ABCA8: variants seen among roughly 807,000 people sequenced by gnomAD.
ABCA8 encodes ATP binding cassette subfamily A member 8.
A neutral mutation model predicts 192.3 loss-of-function variants in ABCA8; 177 were observed. That is an observed-to-expected ratio of 0.92 (90% CI 0.81 to 1.04). The LOEUF (loss-of-function observed/expected upper bound fraction) is 1.04. ABCA8 is among the 50% of genes least tolerant of loss of function. ABCA8 has a pLI of 0.00. For synonymous variants in ABCA8, 642 were observed against 690.2 expected (o/e 0.93, Z 1.09); for missense variants, 1,915 against 1,904.8 (o/e 1.01, Z -0.10).
At chr17:68,938,018 GAAGCAC>G (rs1351287075) in intron 4 of ABCA8, among the ~76,000 whole-genome samples, 2 of 152,138 alleles carry the variant, frequency 1.3e-5, no homozygotes, top group Admixed American at 6.6e-5. Flanking sequence ...GTAATGTCGA[GAAGCAC>G]AAGTTCCTGA....
chr17:68,871,444 A>G (rs1383999678), intron 37 of ABCA8, among the ~76,000 whole-genome samples: 1 of 152,164 alleles, frequency 6.6e-6, no homozygotes, highest in Non-Finnish European at 1.5e-5. Context: ...GCACCATCCT[A>G]ACAGATGTGA....
At chr17:68,872,205 G>A (rs1479770461) in intron 37 of ABCA8, among the ~76,000 whole-genome samples, 1 of 151,844 alleles carries the variant, frequency 6.6e-6, no homozygotes, top group Non-Finnish European at 1.5e-5. Context: ...TGATAGACTG[G>A]ATTAAGAAAA....
chr17:68,938,218 G>A (rs2068124161), intron 4 of ABCA8, among the ~76,000 whole-genome samples: 1 of 151,774 alleles, frequency 6.6e-6, no homozygotes, highest in Admixed American at 6.6e-5. Flanking sequence ...CTAATGGTGT[G>A]ATGCTTGGTG....
At chr17:68,938,517 A>T (rs2068136562) in intron 4 of ABCA8, among the ~76,000 whole-genome samples, 1 of 152,142 alleles carries the variant, frequency 6.6e-6, no homozygotes. Context: ...CCTTGGTGGG[A>T]GTTATGTTGC....
intron 4 of ABCA8, among the ~76,000 whole-genome samples, chr17:68,939,536 C>G (rs2143753667): frequency 6.6e-6 from 1 of 152,220 alleles, no homozygotes; most frequent in African/African-American, 2.4e-5. Flanking sequence ...CAGAAATGAT[C>G]TGTAATCTTT....
At chr17:68,905,447 G>C (rs918504327) in intron 19 of ABCA8, among the ~76,000 whole-genome samples, 2 of 152,058 alleles carry the variant, frequency 1.3e-5, no homozygotes, top group African/African-American at 2.4e-5. Context: ...GTAAAGAACT[G>C]AAACTCTAAA....
At chr17:68,894,005 C>G (rs2066683983) in intron 23 of ABCA8, 168 bp downstream of exon 23, 1 of 682,452 alleles carries the variant, frequency 1.5e-6, no homozygotes, top group Non-Finnish European at 2.5e-6. Flanking sequence ...CAAATTGAAG[C>G]TCTGAAAACG....
chr17:68,936,190 C>A (rs759979042), intron 5 of ABCA8, among the ~76,000 whole-genome samples: 21 of 151,826 alleles, frequency 1.4e-4, no homozygotes, highest in Admixed American at 1.4e-3. Flanking sequence ...AATTAAGTCT[C>A]GTTTTTCTAT....
chr17:68,924,054 A>G (rs2067620776), intron 11 of ABCA8, among the ~76,000 whole-genome samples: 1 of 152,142 alleles, frequency 6.6e-6, no homozygotes, highest in Admixed American at 6.5e-5. Context: ...AAGAAAAATA[A>G]GAAGTTTAAA....
Position 68,887,057 on chromosome 17 carries a change from C to T in ABCA8, c.3389G>A (p.Gly1130Glu). ...TGACCAAATGCCACTATTTTTTCTCCCCTTGCGAAAGATGAAGGAAATCAC... is the reference window on the plus strand; with the variant it reads ...TGACCAAATGCCACTATTTTTTCTCTCCTTGCGAAAGATGAAGGAAATCAC... ...TYVISFIFRK[G>E]RKNSGIWSFC... Residue 1130 changes from glycine (G) to glutamate (E), a missense_variant, in exon 26 of 40, where the codon GGG (glycine) becomes GAG (glutamate). Gly to Glu is a moderately conservative substitution (Grantham distance 98). Transcript: ENST00000586539. 6.2e-7 allele frequency: 1 copy of T among 1,612,394 alleles called. No homozygotes were observed. The highest frequency in any genetic ancestry group is 1.3e-5 in the African/African-American group (1 of 74,896).
At chr17:68,952,879 C>T (rs756824652) in intron 1 of ABCA8, among the ~76,000 whole-genome samples, 1 of 152,154 alleles carries the variant, frequency 6.6e-6, no homozygotes, top group Non-Finnish European at 1.5e-5. Context: ...GAGCAAAGAA[C>T]ATGATGTGAT....
intron 5 of ABCA8, among the ~76,000 whole-genome samples, chr17:68,935,340 C>T (rs2068031685): frequency 6.6e-6 from 1 of 150,520 alleles, no homozygotes; most frequent in African/African-American, 2.5e-5. Flanking sequence ...TGATCTCGAA[C>T]TCTTGAGCTC....
chr17:68,875,495 C>T, intron 36 of ABCA8, 95 bp from the exon 37 acceptor site: 5 of 1,593,566 alleles, frequency 3.1e-6, no homozygotes, highest in Non-Finnish European at 4.3e-6. Flanking sequence ...TCTCAAGGTC[C>T]CTATTGTTAG....
At chr17:68,894,510 T>C (rs2066697637) in intron 22 of ABCA8, among the ~76,000 whole-genome samples, 200 bp from the exon 23 acceptor site, 2 of 152,202 alleles carry the variant, frequency 1.3e-5, no homozygotes, top group Non-Finnish European at 2.9e-5. Context: ...AACTAAATCA[T>C]GTATCTGATA....
At chr17:68,892,401 G>A (rs955553949) in intron 23 of ABCA8, among the ~76,000 whole-genome samples, 1 of 152,120 alleles carries the variant, frequency 6.6e-6, no homozygotes, top group African/African-American at 2.4e-5. Context: ...CTTTGGGCAG[G>A]ATACAAGCAA....
Position 68,894,895 on chromosome 17 carries a change from C to T in ABCA8, c.2883G>A (p.Val961=). 1 of 1,613,058 alleles carries T rather than the reference C, an allele frequency of 6.2e-7. No homozygotes were observed. The highest frequency in any genetic ancestry group is 8.5e-7 in the Non-Finnish European group (1 of 1,179,542). The change falls in exon 22 of 40, where the codon GTG becomes GTA. Residue 961 remains valine (V), a synonymous_variant. Coordinates refer to ENST00000586539, the MANE Select transcript of ABCA8 (RefSeq NM_001288985.2). ...DDPSYNGAIT[V]CCNEKNYSFS... ...ACCTGCATACCTTTTCATTACAACA[C>T]ACTGTGATGGCTCCATTATAAGATG... is the stretch of plus-strand genomic sequence containing the variant.
intron 24 of ABCA8, among the ~76,000 whole-genome samples, chr17:68,887,887 T>TATA (rs1555607324): frequency 4.8e-5 from 2 of 41,836 alleles, no homozygotes; most frequent in Non-Finnish European, 7.2e-5. Context: ...CCTCCATATA[T>TATA]ATATATATAT....
chr17:68,928,102 A>G (rs1283222163), intron 9 of ABCA8, 39 bp from the exon 10 acceptor site: 1 of 1,489,968 alleles, frequency 6.7e-7, no homozygotes, highest in Non-Finnish European at 9.2e-7. Context: ...GAAATTAGGT[A>G]TAAGATACAT....
At chr17:68,917,812 T>C (rs2067414684) in intron 16 of ABCA8, among the ~76,000 whole-genome samples, 1 of 152,222 alleles carries the variant, frequency 6.6e-6, no homozygotes, top group Non-Finnish European at 1.5e-5. Context: ...TATTTTGCAA[T>C]AAGCGAGTTT....
Sources: allele counts gnomAD v4.1 joint callset (sites outside exome capture counted in the v4.1 genomes callset), GRCh38; gene constraint gnomAD v4.1.1; transcripts MANE v1.5; gene names NCBI Gene and HGNC (gene_info 2026-07-23, HGNC 2026-07-21).